The following FSTL5 variants were observed in gnomAD, a reference collection of about 807,000 sequenced individuals.
FSTL5 encodes follistatin-related protein 5.
In FSTL5, 62 loss-of-function variants were observed where a neutral mutation model predicts 89.1. The observed-to-expected ratio is 0.70, with a 90% CI of 0.57 to 0.86. FSTL5 has a LOEUF of 0.86. Among genes scored for constraint, FSTL5 ranks in the 40% least tolerant of loss-of-function variants. The pLI is 0.00. For synonymous variants in FSTL5, 383 were observed against 346.2 expected, an observed-to-expected ratio of 1.11 and a Z score of -1.18; for missense variants, 1,057 against 1,001.6, an observed-to-expected ratio of 1.06 and a Z score of -0.75.
intron 4 of FSTL5, among the ~76,000 whole-genome samples, chr4:161,864,864 T>C (rs1732029144): frequency 1.0e-5 from 1 of 99,014 alleles, no homozygotes; most frequent in Non-Finnish European, 2.0e-5. Flanking sequence ...GAGCAAGACT[T>C]CGTCTCAAAA....
chr4:161,920,435 G>C lies in FSTL5; in HGVS notation c.378C>G (p.Thr126=), dbSNP rs537335885. 253 of 1,613,908 alleles carry C rather than the reference G, an allele frequency of 1.6e-4. 2 individuals are homozygous for C. In the South Asian group the frequency reaches 2.6e-3, roughly 17 times the overall value. The change falls in exon 4 of 16, where the codon ACC becomes ACG. Residue 126 remains threonine, a synonymous_variant. Transcript: ENST00000306100. ...AGAAGCAGTCTTCATTGTGAACAAT[G>C]GTAATCTTTTGTTTTTTCAGGCAAG... ...RAACLKKQKI[T]IVHNEDCFFK... is the part of the protein sequence containing the mutation.
chr4:162,003,401 C>T (rs1736523276), intron 3 of FSTL5, among the ~76,000 whole-genome samples: 1 of 152,048 alleles, frequency 6.6e-6, no homozygotes, highest in Admixed American at 6.6e-5. Flanking sequence ...TCCTAGATTC[C>T]TGGCTTTGAA....
intron 8 of FSTL5, among the ~76,000 whole-genome samples, chr4:161,548,268 T>C (rs548863361): frequency 4.0e-5 from 6 of 151,890 alleles, no homozygotes; most frequent in African/African-American, 1.4e-4. Flanking sequence ...TGCGATAAAC[T>C]GTAAACTGTT....
intron 2 of FSTL5, chr4:162,047,444 G>C (rs1166420154): frequency 1.3e-5 from 2 of 151,986 alleles, no homozygotes; most frequent in African/African-American, 2.4e-5. Context: ...AGCTCTCCAG[G>C]GGATGACGGT....
chr4:161,880,822 T>A (rs1269798572), intron 4 of FSTL5, among the ~76,000 whole-genome samples: 1 of 152,124 alleles, frequency 6.6e-6, no homozygotes, highest in Non-Finnish European at 1.5e-5. Flanking sequence ...ACTCTATCCA[T>A]ATGACTTCTG....
chr4:161,950,512 A>G (rs555824047), intron 3 of FSTL5, among the ~76,000 whole-genome samples: 141 of 152,290 alleles, frequency 9.3e-4, no homozygotes, highest in African/African-American at 3.0e-3. Context: ...GGAAAGTACC[A>G]GGTGCCTCCA....
intron 4 of FSTL5, among the ~76,000 whole-genome samples, chr4:161,823,576 G>A (rs1004186714): frequency 6.6e-6 from 1 of 152,214 alleles, no homozygotes; most frequent in East Asian, 1.9e-4. Context: ...AGGGGAAGGG[G>A]CTTTGCAGGC....
chr4:161,603,381 G>A (rs1030725373), intron 7 of FSTL5, among the ~76,000 whole-genome samples: 4 of 152,162 alleles, frequency 2.6e-5, no homozygotes, highest in African/African-American at 4.8e-5. Flanking sequence ...AGGATTAGTA[G>A]TGGCTTTATA....
At chr4:161,471,402 T>C (rs1733937191) in intron 13 of FSTL5, among the ~76,000 whole-genome samples, 1 of 152,226 alleles carries the variant, frequency 6.6e-6, no homozygotes, top group African/African-American at 2.4e-5. Flanking sequence ...CAGGAATAAA[T>C]CCTACTTGGT....
intron 12 of FSTL5, among the ~76,000 whole-genome samples, chr4:161,494,315 G>A (rs1729990978): frequency 6.6e-6 from 1 of 152,066 alleles, no homozygotes; most frequent in Non-Finnish European, 1.5e-5. Context: ...GTATTCAAAA[G>A]GTTACTCACT....
At chr4:161,874,723 C>T (rs967386725) in intron 4 of FSTL5, among the ~76,000 whole-genome samples, 1 of 151,808 alleles carries the variant, frequency 6.6e-6, no homozygotes, top group African/African-American at 2.4e-5. Flanking sequence ...GCCATTTAAC[C>T]TTTTCATTAA....
chr4:161,414,755 T>C (rs1405320296), intron 15 of FSTL5, among the ~76,000 whole-genome samples: 2 of 152,226 alleles, frequency 1.3e-5, no homozygotes, highest in East Asian at 1.9e-4. Context: ...CATTATTTTC[T>C]TTTTAAAACA....
At chr4:161,661,931 G>C (rs962740777) in intron 6 of FSTL5, among the ~76,000 whole-genome samples, 13 of 152,134 alleles carry the variant, frequency 8.5e-5, no homozygotes, top group African/African-American at 2.9e-4. Flanking sequence ...TCAGAATAAT[G>C]AGGAACTGCC....
intron 1 of FSTL5, among the ~76,000 whole-genome samples, chr4:162,155,231 C>A (rs1733421298): frequency 6.6e-6 from 1 of 152,118 alleles, no homozygotes; most frequent in Admixed American, 6.5e-5. Context: ...CCTAGCTGGC[C>A]CTGACTGGAT....
At position 161,854,729 on chromosome 4, in the gene FSTL5, T is replaced by C. The variant is rs186788466; in HGVS notation, c.409+65675A>G. Among the ~76,000 whole-genome samples, 1,049 of 152,212 alleles carry C rather than the reference T, an allele frequency of 6.9e-3. 13 individuals are homozygous for C. Among genetic ancestry groups the C allele is most frequent in the South Asian group, 0.011 (51 of 4,824 alleles). On this transcript the variant is annotated intron_variant, in intron 4 of 15. Transcript: ENST00000306100. ...GGAGTCATGAGAAATGTACAAAATA[T>C]ATAATAAGGGATGAACTCTATAAAC...
At chr4:161,902,739 C>G (rs561570650) in intron 4 of FSTL5, among the ~76,000 whole-genome samples, 14 of 152,028 alleles carry the variant, frequency 9.2e-5, no homozygotes, top group Admixed American at 4.6e-4. Context: ...ATCCCAGCTA[C>G]TCGGGAAGCT....
At chr4:161,634,797 T>C (rs1437522569) in intron 7 of FSTL5, among the ~76,000 whole-genome samples, 1 of 152,136 alleles carries the variant, frequency 6.6e-6, no homozygotes. Context: ...TGCAGGATGA[T>C]TGAATTATTG....
chr4:161,867,415 C>A (rs1287471872), intron 4 of FSTL5, among the ~76,000 whole-genome samples: 2 of 151,688 alleles, frequency 1.3e-5, no homozygotes, highest in Non-Finnish European at 2.9e-5. Flanking sequence ...TGAGACAAAG[C>A]ATAAATAGGC....
intron 2 of FSTL5, among the ~76,000 whole-genome samples, chr4:162,051,872 G>A (rs1478870148): frequency 6.6e-6 from 1 of 151,084 alleles, no homozygotes; most frequent in Non-Finnish European, 1.5e-5. Flanking sequence ...AAACAAGAAA[G>A]GTTATAGAAT....
Sources: gnomAD v4.1 joint callset for allele counts (sites outside exome capture counted in the v4.1 genomes callset) on GRCh38, gnomAD v4.1.1 for gene constraint, MANE v1.5 for transcripts, NCBI Gene and HGNC (gene_info 2026-07-23, HGNC 2026-07-21) for gene names.